Variants in CARS2 observed in about 807,000 individuals in gnomAD.
CARS2 encodes the protein cysteinyl-tRNA synthetase 2, mitochondrial.
In CARS2, 52 loss-of-function variants were observed where a neutral mutation model predicts 68.8. The ratio of observed to expected loss-of-function variants is 0.76; its 90% confidence interval spans 0.61 to 0.95. The LOEUF (loss-of-function observed/expected upper bound fraction) is 0.95. CARS2 is among the 40% of genes least tolerant of loss of function. The pLI is 0.00. For synonymous variants in CARS2, 314 were observed against 303.6 expected, an observed-to-expected ratio of 1.03 and a Z score of -0.36; for missense variants, 780 against 754.2, an observed-to-expected ratio of 1.03 and a Z score of -0.40.
chr13:110,713,273 G>A (rs2064058864), exon 1 of CARS2: 3 of 1,309,730 alleles, frequency 2.3e-6, no homozygotes, highest in Non-Finnish European at 1.9e-6. Context: ...GTCAGGGGCT[G>A]AGGAGCGAGT....
At chr13:110,666,385 G>A (rs1426858246) in intron 8 of CARS2, 2 of 985,242 alleles carry the variant, frequency 2.0e-6, no homozygotes, top group Admixed American at 6.2e-5. Context: ...AAACAGCCAC[G>A]CAGCCAGCTT....
At chr13:110,690,009 A>G (rs1210873646) in intron 3 of CARS2, among the ~76,000 whole-genome samples, 2 of 152,150 alleles carry the variant, frequency 1.3e-5, no homozygotes, top group Non-Finnish European at 2.9e-5. Context: ...TGGGCAGATC[A>G]TGAGGTCAGG....
At chr13:110,691,235 C>T (rs1171571353) in intron 3 of CARS2, among the ~76,000 whole-genome samples, 7 of 152,118 alleles carry the variant, frequency 4.6e-5, no homozygotes, top group Admixed American at 1.3e-4. Flanking sequence ...AGGCTGGTCT[C>T]GAACTCCTGA....
rs75068617 is a variant in CARS2 at position 110,685,464 on chromosome 13, G to A, written c.571+2257C>T. Reference sequence around the variant, plus strand: ...AGTAGGACCCAGGAAGGACAGGAACGTCCAGGGCAGTGCTTCATGCTTTCT... The same window carrying A: ...AGTAGGACCCAGGAAGGACAGGAACATCCAGGGCAGTGCTTCATGCTTTCT... On this transcript the variant is annotated intron_variant, in intron 5 of 14. Coordinates refer to ENST00000257347, the MANE Select transcript of CARS2 (RefSeq NM_024537.4). 5.6e-4 allele frequency among the ~76,000 whole-genome samples: 85 copies of A among 152,362 alleles called. No individual in the cohort carries two copies. The East Asian group carries it at 0.015, about 28-fold the overall frequency.
intron 5 of CARS2, among the ~76,000 whole-genome samples, chr13:110,683,584 C>A (rs2063214819): frequency 6.6e-6 from 1 of 152,200 alleles, no homozygotes; most frequent in Non-Finnish European, 1.5e-5. Flanking sequence ...TTATCACTGA[C>A]CTTCATTTAG....
chr13:110,659,055 G>A (rs1327769747), intron 9 of CARS2, among the ~76,000 whole-genome samples: 1 of 152,136 alleles, frequency 6.6e-6, no homozygotes, highest in African/African-American at 2.4e-5. Context: ...ACAGAATAGA[G>A]AAGTGTGATG....
At chr13:110,697,099 A>C (rs574251924) in intron 3 of CARS2, among the ~76,000 whole-genome samples, 110 of 152,336 alleles carry the variant, frequency 7.2e-4, no homozygotes, top group Non-Finnish European at 1.1e-3. Flanking sequence ...TTGAAGATTC[A>C]TGAGAGGCAC....
At chr13:110,711,086 T>A (rs1326401587), upstream of CARS2, among the ~76,000 whole-genome samples, 1 of 152,234 alleles carries the variant, frequency 6.6e-6, no homozygotes, top group Admixed American at 6.5e-5. Context: ...TATTTCTTAC[T>A]ATTGTACTTT....
chr13:110,662,746 T>C (rs2062544258), intron 9 of CARS2: 1 of 177,520 alleles, frequency 5.6e-6, no homozygotes, highest in African/African-American at 2.4e-5. Context: ...AAGGAAACTA[T>C]ATACAAATTA....
At chr13:110,644,672 T>G in intron 12 of CARS2, 189 bp from the exon 13 acceptor site, 3 of 978,958 alleles carry the variant, frequency 3.1e-6, no homozygotes, top group Non-Finnish European at 4.3e-6. Flanking sequence ...TATAGGTGCA[T>G]GAGGAATCTC....
At chr13:110,646,707 A>C in intron 11 of CARS2, 2 of 183,120 alleles carry the variant, frequency 1.1e-5, no homozygotes, top group Non-Finnish European at 2.3e-5. Context: ...CGCACAGGGA[A>C]CCCGAGCCCA....
intron 3 of CARS2, among the ~76,000 whole-genome samples, chr13:110,692,035 C>CACACAT (rs1555299989): frequency 1.8e-5 from 1 of 55,990 alleles, no homozygotes; most frequent in Non-Finnish European, 4.2e-5. Context: ...CACACACACA[C>CACACAT]ATATATATAT....
At chr13:110,708,580 T>G (rs938186345), upstream of CARS2, among the ~76,000 whole-genome samples, 4 of 152,122 alleles carry the variant, frequency 2.6e-5, no homozygotes, top group Non-Finnish European at 5.9e-5. Flanking sequence ...TTTTCTTTTT[T>G]TTTTTTGAGG....
chr13:110,700,510 C>A (rs184803065), intron 3 of CARS2, among the ~76,000 whole-genome samples: 1 of 152,306 alleles, frequency 6.6e-6, no homozygotes, highest in Non-Finnish European at 1.5e-5. Flanking sequence ...CCCAACGCAG[C>A]CAACAATGGC....
chr13:110,646,702 AG>A (rs1888165611), intron 11 of CARS2: 1 of 182,670 alleles, frequency 5.5e-6, no homozygotes. Flanking sequence ...CTCCTCGCAC[AG>A]GGAACCCGAG....
At chr13:110,643,684 A>G in intron 13 of CARS2, 1 of 159,780 alleles carries the variant, frequency 6.3e-6, no homozygotes, top group Non-Finnish European at 1.4e-5. Context: ...AGGGATGTTC[A>G]GGGACACAGC....
intron 6 of CARS2, among the ~76,000 whole-genome samples, chr13:110,678,751 T>C (rs907549966): frequency 6.6e-6 from 1 of 152,180 alleles, no homozygotes; most frequent in African/African-American, 2.4e-5. Context: ...CAGAGAATAC[T>C]GTTCCCGAGA....
chr13:110,679,871 C>T (rs1172457057), intron 6 of CARS2, among the ~76,000 whole-genome samples: 1 of 152,134 alleles, frequency 6.6e-6, no homozygotes, highest in Non-Finnish European at 1.5e-5. Flanking sequence ...CACGCCGAGG[C>T]TCAATAAGGT....
chr13:110,687,235 C>T (rs1424720400), intron 5 of CARS2, among the ~76,000 whole-genome samples: 7 of 152,174 alleles, frequency 4.6e-5, no homozygotes, highest in Non-Finnish European at 8.8e-5. Flanking sequence ...TCAACCATTT[C>T]GCAAAGAGAC....
Sources: gnomAD v4.1 joint callset for allele counts (sites outside exome capture counted in the v4.1 genomes callset) on GRCh38, gnomAD v4.1.1 for gene constraint, MANE v1.5 for transcripts, NCBI Gene and HGNC (gene_info 2026-07-23, HGNC 2026-07-21) for gene names.